PLD5: variants seen among roughly 807,000 people sequenced by gnomAD.
The protein encoded by PLD5 is inactive phospholipase D5.
A neutral mutation model predicts 61.1 loss-of-function variants in PLD5; 36 were observed. That is an observed-to-expected ratio of 0.59 (90% confidence interval 0.45 to 0.78). PLD5 has a LOEUF of 0.78. PLD5 is among the 30% of genes least tolerant of loss of function. The pLI is 0.00. For missense variants in PLD5, 515 were observed against 644.4 expected (o/e 0.80, Z 2.17); for synonymous variants, 243 against 242.8 (o/e 1.00, Z -0.01).
In PLD5 at chr1:242,085,100, A is replaced by G. The variant is rs1338943828; in HGVS notation, c.*4754T>C. 6.6e-6 allele frequency: 1 copy of G among 152,220 alleles called. No homozygotes were observed. The highest frequency in any genetic ancestry group is 6.5e-5 in the Admixed American group (1 of 15,284). 9.4% of individuals were successfully genotyped at this position (152,220 alleles called of 1,614,324 possible). On this transcript the variant is annotated 3_prime_UTR_variant, in exon 10 of 10. Transcript: ENST00000536534. The stretch of plus-strand genomic sequence containing the variant: ...ATTTAGGGATCTTAAGGTTAATAAT[A>G]TAGATATGTCCAGGTACAAGTTTAT...
At chr1:242,436,217 G>A (rs7541987) in intron 1 of PLD5, among the ~76,000 whole-genome samples, 40,078 of 151,978 alleles carry the variant, frequency 0.26, 6,640 homozygotes, top group African/African-American at 0.47. Flanking sequence ...CATTTCCAAA[G>A]TAAAATAATC....
At chr1:242,445,201 C>T (rs966948582) in intron 1 of PLD5, among the ~76,000 whole-genome samples, 4 of 152,178 alleles carry the variant, frequency 2.6e-5, no homozygotes, top group Non-Finnish European at 5.9e-5. Context: ...CACCAGAGAG[C>T]TATCGAGCTC....
chr1:242,198,635 T>C (rs1011836001), intron 5 of PLD5, among the ~76,000 whole-genome samples: 1 of 148,896 alleles, frequency 6.7e-6, no homozygotes, highest in Non-Finnish European at 1.5e-5. Flanking sequence ...CCTTGAAATG[T>C]TGGCATGTCT....
chr1:242,232,832 G>A (rs999837577), intron 4 of PLD5, among the ~76,000 whole-genome samples: 2 of 152,010 alleles, frequency 1.3e-5, no homozygotes, highest in African/African-American at 4.8e-5. Flanking sequence ...GACAGAGTGA[G>A]ACTCCATCTA....
At chr1:242,500,262 G>A (rs1668511663) in intron 1 of PLD5, among the ~76,000 whole-genome samples, 1 of 152,136 alleles carries the variant, frequency 6.6e-6, no homozygotes, top group Admixed American at 6.5e-5. Flanking sequence ...ACACTTCTAG[G>A]TGCATACCAG....
intron 1 of PLD5, among the ~76,000 whole-genome samples, chr1:242,441,492 A>G (rs1666273306): frequency 6.6e-6 from 1 of 152,214 alleles, no homozygotes; most frequent in Non-Finnish European, 1.5e-5. Context: ...AACTTTAAAA[A>G]AAAATTAATT....
intron 5 of PLD5, among the ~76,000 whole-genome samples, chr1:242,198,507 G>C (rs1391963308): frequency 6.6e-6 from 1 of 151,498 alleles, no homozygotes; most frequent in African/African-American, 2.4e-5. Context: ...TAGCTCTTTG[G>C]GTTTGTGTAT....
intron 7 of PLD5, among the ~76,000 whole-genome samples, chr1:242,112,644 C>T (rs972309876): frequency 7.2e-5 from 11 of 151,946 alleles, no homozygotes; most frequent in South Asian, 4.1e-4. Context: ...TGGTTATTTG[C>T]GTAAAGAAGC....
At chr1:242,440,736 TCA>T (rs772389790) in intron 1 of PLD5, among the ~76,000 whole-genome samples, 11 of 152,180 alleles carry the variant, frequency 7.2e-5, no homozygotes, top group Non-Finnish European at 1.2e-4. Flanking sequence ...CCTTCTTAAC[TCA>T]CAGACTAAAC....
chr1:242,138,415 G>A (rs1663909533), intron 5 of PLD5, among the ~76,000 whole-genome samples: 1 of 151,852 alleles, frequency 6.6e-6, no homozygotes, highest in Admixed American at 6.6e-5. Context: ...TTCAAGTAAG[G>A]GAAATATTGC....
Position 242,480,064 on chromosome 1 carries a change from C to A in PLD5, c.189+44024G>T, listed in dbSNP as rs866998455. On this transcript the variant is annotated intron_variant, in intron 1 of 9. Transcript: ENST00000536534. ...GACTCTGTCTCAGAAAAAAAAAAAA[C>A]AAAAAAAAAGGAAAAAAGAAAGCTT... 7.9e-4 allele frequency among the ~76,000 whole-genome samples: 110 copies of A among 139,818 alleles called. 1 individual carries two copies. Among genetic ancestry groups the A allele is most frequent in the African/African-American group, 2.1e-3 (81 of 39,036 alleles). The allele number at this position is 139,818 out of a possible 152,430, so 91.7% of individuals were successfully genotyped here. A position where few individuals can be genotyped will look rare whatever the true frequency, so the allele number is the denominator to read the frequency against.
rs545278201 is a variant in PLD5, at chr1:242,487,616, C to A, written c.189+36472G>T. On this transcript the variant is annotated intron_variant, in intron 1 of 9. Transcript: ENST00000536534. ...AGAGAATGAAAAGACAAGCCACAAA[C>A]TGGGAAAATAATCTTTGCAAAATAC... 3.3e-5 allele frequency among the ~76,000 whole-genome samples: 5 copies of A among 152,190 alleles called. No homozygotes were observed. The East Asian group carries it at 7.7e-4, about 24-fold the overall frequency.
At chr1:242,418,595 CA>C (rs35746514) in intron 1 of PLD5, among the ~76,000 whole-genome samples, 1 of 151,308 alleles carries the variant, frequency 6.6e-6, no homozygotes, top group Middle Eastern at 3.4e-3. Context: ...GGAAACTCCG[CA>C]AAAAAAAGTG....
At chr1:242,185,577 C>T (rs1667819885) in intron 5 of PLD5, among the ~76,000 whole-genome samples, 2 of 152,132 alleles carry the variant, frequency 1.3e-5, no homozygotes, top group Non-Finnish European at 1.5e-5. Flanking sequence ...GCACCACAAG[C>T]CTTGCCTGGG....
At chr1:242,212,777 T>C (rs986484716) in intron 5 of PLD5, among the ~76,000 whole-genome samples, 1 of 152,208 alleles carries the variant, frequency 6.6e-6, no homozygotes, top group Non-Finnish European at 1.5e-5. Flanking sequence ...ACATCCCAGA[T>C]TGTAATTCTA....
chr1:242,193,964 T>TTCC (rs1167816124), intron 5 of PLD5, among the ~76,000 whole-genome samples: 7 of 152,236 alleles, frequency 4.6e-5, no homozygotes, highest in Non-Finnish European at 7.3e-5. Flanking sequence ...TCCAAGGGGC[T>TTCC]AACAAGCTGT....
chr1:242,117,671 G>A (rs1041295335), intron 6 of PLD5, among the ~76,000 whole-genome samples: 1 of 152,092 alleles, frequency 6.6e-6, no homozygotes, highest in African/African-American at 2.4e-5. Context: ...GAGCTACCAC[G>A]CCTGGCAATG....
chr1:242,114,213 G>A (rs1661764231), intron 6 of PLD5, among the ~76,000 whole-genome samples, 187 bp from the exon 7 acceptor site: 1 of 152,132 alleles, frequency 6.6e-6, no homozygotes, highest in Non-Finnish European at 1.5e-5. Context: ...AGTGTGGTAG[G>A]ATGGGTCTCA....
At chr1:242,404,298 A>G (rs1664105416) in intron 1 of PLD5, among the ~76,000 whole-genome samples, 1 of 152,214 alleles carries the variant, frequency 6.6e-6, no homozygotes. Context: ...AGACCTTAAG[A>G]AAAAGGGTAG....
Sources: gnomAD v4.1 joint callset for allele counts (sites outside exome capture counted in the v4.1 genomes callset) on GRCh38, gnomAD v4.1.1 for gene constraint, MANE v1.5 for transcripts, NCBI Gene and HGNC (gene_info 2026-07-23, HGNC 2026-07-21) for gene names.